The following UNC5D variants were observed in gnomAD, a reference collection of about 807,000 sequenced individuals.
The protein encoded by UNC5D is unc-5 netrin receptor D.
Under a neutral mutation model 105.4 loss-of-function variants are expected in UNC5D, and 39 were observed. The ratio of observed to expected loss-of-function variants is 0.37; its 90% CI spans 0.29 to 0.48. The LOEUF is 0.48. Among genes scored for constraint, UNC5D ranks in the 20% least tolerant of loss-of-function variants. UNC5D has a pLI of 0.98. For missense variants in UNC5D, 991 were observed against 1,202.4 expected (o/e 0.82, Z 2.60); for synonymous variants, 452 against 450.4 (o/e 1.00, Z -0.04).
At chr8:35,588,426 T>A (rs1406649545) in intron 3 of UNC5D, among the ~76,000 whole-genome samples, 1 of 152,206 alleles carries the variant, frequency 6.6e-6, no homozygotes, top group Non-Finnish European at 1.5e-5. Context: ...TGTGTGTTTT[T>A]AGGCCTGTGA....
chr8:35,511,928 G>A (rs952730604), intron 1 of UNC5D, among the ~76,000 whole-genome samples: 10 of 152,070 alleles, frequency 6.6e-5, no homozygotes, highest in South Asian at 2.1e-4. Flanking sequence ...CTGGCTATTC[G>A]AAGGTGGAGA....
intron 1 of UNC5D, among the ~76,000 whole-genome samples, chr8:35,345,864 G>A (rs1217061321): frequency 6.6e-6 from 1 of 151,966 alleles, no homozygotes; most frequent in Admixed American, 6.6e-5. Context: ...AGGTAAAGCA[G>A]AGTCATCTCT....
intron 1 of UNC5D, among the ~76,000 whole-genome samples, chr8:35,499,190 G>A (rs1177405258): frequency 6.6e-6 from 1 of 152,158 alleles, no homozygotes; most frequent in East Asian, 1.9e-4. Context: ...TTATGATCAG[G>A]GCAAGATTCA....
At chr8:35,364,408 C>G (rs758448263) in intron 1 of UNC5D, among the ~76,000 whole-genome samples, 1 of 152,110 alleles carries the variant, frequency 6.6e-6, no homozygotes, top group Non-Finnish European at 1.5e-5. Flanking sequence ...TTTGATGTCC[C>G]CATCATTTTC....
chr8:35,419,477 GA>G (rs1255789275), intron 1 of UNC5D, among the ~76,000 whole-genome samples: 1 of 152,190 alleles, frequency 6.6e-6, no homozygotes, highest in Non-Finnish European at 1.5e-5. Flanking sequence ...GGATGAGGGG[GA>G]CATGGTGCCA....
intron 3 of UNC5D, among the ~76,000 whole-genome samples, chr8:35,593,245 C>G (rs760971016): frequency 4.5e-4 from 69 of 151,998 alleles, no homozygotes; most frequent in Non-Finnish European, 8.7e-4. Flanking sequence ...TAGCCATAAA[C>G]TAAGTATTTT....
chr8:35,544,856 G>T (rs1586095972), intron 1 of UNC5D, among the ~76,000 whole-genome samples: 2 of 152,138 alleles, frequency 1.3e-5, no homozygotes, highest in South Asian at 4.1e-4. Context: ...GCCCACCTCT[G>T]CCTCCCAGAG....
At chr8:35,657,071 TGTGTGTGTG>T (rs1823788005) in intron 4 of UNC5D, among the ~76,000 whole-genome samples, 1 of 101,094 alleles carries the variant, frequency 9.9e-6, no homozygotes, top group African/African-American at 4.6e-5. Context: ...TGTGTGTGTG[TGTGTGTGTG>T]TATATATATA....
At chr8:35,496,084 T>C (rs1811572830) in intron 1 of UNC5D, among the ~76,000 whole-genome samples, 1 of 152,144 alleles carries the variant, frequency 6.6e-6, no homozygotes, top group African/African-American at 2.4e-5. Flanking sequence ...CAATAACCAA[T>C]AGGGCTGACT....
intron 16 of UNC5D, among the ~76,000 whole-genome samples, chr8:35,786,173 T>C (rs1802734373): frequency 6.6e-6 from 1 of 152,208 alleles, no homozygotes; most frequent in African/African-American, 2.4e-5. Context: ...GTCTGTTAAC[T>C]GCAAAGCTGA....
intron 1 of UNC5D, among the ~76,000 whole-genome samples, chr8:35,295,501 T>C (rs1807415834): frequency 6.6e-6 from 1 of 152,232 alleles, no homozygotes; most frequent in Admixed American, 6.5e-5. Flanking sequence ...CATGTTTTAT[T>C]TCATTTTTGC....
At chr8:35,781,172 C>T (rs191357930) in intron 16 of UNC5D, among the ~76,000 whole-genome samples, 1 of 152,146 alleles carries the variant, frequency 6.6e-6, no homozygotes, top group African/African-American at 2.4e-5. Flanking sequence ...GGACCCAACA[C>T]AGCAAAGTGG....
intron 16 of UNC5D, among the ~76,000 whole-genome samples, chr8:35,785,137 C>T (rs1802685029): frequency 6.6e-6 from 1 of 151,744 alleles, no homozygotes; most frequent in Admixed American, 6.6e-5. Context: ...ACTGTATTAA[C>T]AATGTTCCCT....
At chr8:35,724,227 ATTTTG>A in intron 9 of UNC5D, 1 of 1,527,482 alleles carries the variant, frequency 6.5e-7, no homozygotes, top group Non-Finnish European at 8.7e-7. Flanking sequence ...TTACCTGACC[ATTTTG>A]TTTTATTTTT....
intron 1 of UNC5D, among the ~76,000 whole-genome samples, chr8:35,308,984 C>A: frequency 6.6e-6 from 1 of 152,068 alleles, no homozygotes; most frequent in Admixed American, 6.6e-5. Context: ...GCCCGGCTGG[C>A]TAGATAGGGG....
intron 4 of UNC5D, among the ~76,000 whole-genome samples, chr8:35,682,473 C>A (rs1335811499): frequency 1.3e-5 from 2 of 151,986 alleles, no homozygotes; most frequent in Admixed American, 6.6e-5. Flanking sequence ...TTTATGTGTC[C>A]GTTAAATTAC....
chr8:35,313,777 G>A (rs1243668885), intron 1 of UNC5D, among the ~76,000 whole-genome samples: 1 of 152,088 alleles, frequency 6.6e-6, no homozygotes, highest in Non-Finnish European at 1.5e-5. Context: ...TTGTTACATG[G>A]ACATAATAAC....
chr8:35,677,938 ATGTG>A (rs1825376221), intron 4 of UNC5D, among the ~76,000 whole-genome samples: 5 of 151,122 alleles, frequency 3.3e-5, no homozygotes, highest in Admixed American at 6.6e-5. Context: ...GTGTGTATAT[ATGTG>A]TGTATGTGTA....
intron 1 of UNC5D, among the ~76,000 whole-genome samples, chr8:35,459,993 A>G (rs1289551752): frequency 6.6e-6 from 1 of 152,204 alleles, no homozygotes; most frequent in African/African-American, 2.4e-5. Flanking sequence ...ATTCATCATC[A>G]CTGAAAGTGA....
Sources: allele counts gnomAD v4.1 joint callset (sites outside exome capture counted in the v4.1 genomes callset), GRCh38; gene constraint gnomAD v4.1.1; transcripts MANE v1.5; gene names NCBI Gene and HGNC (gene_info 2026-07-23, HGNC 2026-07-21).